OOEP: variants seen among roughly 807,000 people sequenced by gnomAD.
OOEP encodes the protein oocyte expressed protein, also known as oocyte-expressed protein homolog.
A neutral mutation model predicts 13.7 loss-of-function variants in OOEP; 16 were observed. That is an observed-to-expected ratio of 1.16 (90% CI 0.79 to 1.77). The LOEUF (loss-of-function observed/expected upper bound fraction) is 1.77. Among genes scored for constraint, OOEP ranks in the 40% most tolerant of loss-of-function variants. The probability of loss-of-function intolerance (pLI) is 0.00; values close to 1 mark genes in which losing one functional copy is unlikely to be tolerated. For missense variants in OOEP, 195 were observed against 193.1 expected (o/e 1.01, Z -0.06); for synonymous variants, 89 against 77.1 (o/e 1.15, Z -0.81).
chr6:73,379,093 C>T lies in OOEP; in HGVS notation c.26-9708G>A, dbSNP rs1246127025. Among the ~76,000 whole-genome samples, 7 of 151,806 alleles carry T rather than the reference C, an allele frequency of 4.6e-5. 1 individual carries two copies. The highest frequency in any genetic ancestry group is 2.4e-5 in the African/African-American group (1 of 41,370). On this transcript the variant is annotated intron_variant, in intron 2 of 3. Transcript: ENST00000370363. ...AGGCTGGAGTGCAGTGGCATGATCT[C>T]GGCTCACTGCAACCTCTACCTCCAG...
rs77482766 is a variant in OOEP at position 73,375,262 on chromosome 6, T to C, written c.26-5877A>G. On this transcript the variant is annotated intron_variant, in intron 2 of 3. Transcript: ENST00000370363. ...CCTCTTTACTAAGAGAACTAACCTTTTCCCAGCTGAGAGAACAGAAAGTAA... is the reference window on the plus strand; with the variant it reads ...CCTCTTTACTAAGAGAACTAACCTTCTCCCAGCTGAGAGAACAGAAAGTAA... 8.4e-3 allele frequency among the ~76,000 whole-genome samples: 1,281 copies of C among 152,306 alleles called. 23 individuals carry two copies. Among genetic ancestry groups the C allele is most frequent in the African/African-American group, 0.029 (1,214 of 41,570 alleles).
At chr6:73,395,143 G>C, upstream of OOEP, 1 of 1,612,752 alleles carries the variant, frequency 6.2e-7, no homozygotes, top group Admixed American at 1.7e-5. Flanking sequence ...CCACTTTGTT[G>C]GCGCGGTAAT....
At chr6:73,379,174 G>A (rs987116315) in intron 2 of OOEP, among the ~76,000 whole-genome samples, 4 of 151,600 alleles carry the variant, frequency 2.6e-5, no homozygotes, top group Non-Finnish European at 5.9e-5. Flanking sequence ...ACAGGCGTGC[G>A]CCACCACGTC....
At chr6:73,375,405 C>G (rs904354811) in intron 2 of OOEP, among the ~76,000 whole-genome samples, 2 of 151,900 alleles carry the variant, frequency 1.3e-5, no homozygotes, top group African/African-American at 4.8e-5. Flanking sequence ...TAAGGAGGCC[C>G]TGTTTCTACA....
At chr6:73,378,588 C>T (rs1158988563) in intron 2 of OOEP, among the ~76,000 whole-genome samples, 1 of 151,936 alleles carries the variant, frequency 6.6e-6, no homozygotes, top group Non-Finnish European at 1.5e-5. Context: ...ACCAGCAGGG[C>T]GCAGTGGCTC....
rs1769005919 is a variant in OOEP at position 73,369,302 on chromosome 6, C to CT, written c.273dup (p.Val92SerfsTer34). On this transcript the variant is annotated frameshift_variant, in exon 2 of 3. Transcript: ENST00000370359. LOFTEE classifies it high-confidence loss of function. ...GGCCGCCCGAAAACGGTGATTTCGA[C>CT]TAGGTTCCCTGAGTCCACTATGTCC... 1 of 1,613,860 alleles carries CT rather than the reference C, an allele frequency of 6.2e-7. No individual in the cohort carries two copies. Among genetic ancestry groups the CT allele is most frequent in the African/African-American group, 1.3e-5 (1 of 75,026 alleles).
rs115467560 is a variant in OOEP, at chr6:73,387,981, T to C, written c.25+6365A>G. On this transcript the variant is annotated intron_variant, in intron 2 of 3. Transcript: ENST00000370363. ...GCCTCCTGTGTTCCAGCGATTCTCA[T>C]GCCTCAGTGCCTCAGCCATCCGATT... Among the ~76,000 whole-genome samples, 590 of 152,282 alleles carry C rather than the reference T, an allele frequency of 3.9e-3. 4 individuals carry two copies. Among genetic ancestry groups the C allele is most frequent in the African/African-American group, 0.014 (565 of 41,552 alleles).
intron 2 of OOEP, among the ~76,000 whole-genome samples, chr6:73,389,082 G>C (rs1435221580): frequency 6.6e-6 from 1 of 151,016 alleles, no homozygotes; most frequent in African/African-American, 2.5e-5. Flanking sequence ...ATCCAGGGGA[G>C]CTACGTCGAG....
At chr6:73,383,513 T>C (rs1166026375) in intron 2 of OOEP, among the ~76,000 whole-genome samples, 7 of 152,214 alleles carry the variant, frequency 4.6e-5, no homozygotes, top group African/African-American at 1.7e-4. Context: ...CACATGCCTG[T>C]AGTCTCAGCT....
intron 1 of OOEP, chr6:73,394,527 G>A (rs1769415485): frequency 6.8e-6 from 4 of 591,382 alleles, no homozygotes; most frequent in South Asian, 4.1e-5. Flanking sequence ...AAGGCACTGA[G>A]ATGCCAGGAA....
chr6:73,383,166 T>C (rs576551680), intron 2 of OOEP, among the ~76,000 whole-genome samples: 9 of 152,256 alleles, frequency 5.9e-5, no homozygotes, highest in South Asian at 4.1e-4. Flanking sequence ...AAACCATCTA[T>C]ACAAGCAGTT....
At chr6:73,372,928 TA>T (rs1230273622), upstream of OOEP, among the ~76,000 whole-genome samples, 38 of 147,184 alleles carry the variant, frequency 2.6e-4, no homozygotes, top group African/African-American at 9.2e-4. Context: ...TTTTTTTTTT[TA>T]AAAACGAAAG....
chr6:73,392,326 G>T (rs1769358463), intron 2 of OOEP, among the ~76,000 whole-genome samples: 3 of 151,978 alleles, frequency 2.0e-5, no homozygotes. Flanking sequence ...TTTTTGAGAT[G>T]GAATTTCACT....
intron 2 of OOEP, among the ~76,000 whole-genome samples, chr6:73,381,841 G>A (rs1287411253): frequency 1.3e-5 from 2 of 152,190 alleles, no homozygotes; most frequent in East Asian, 1.9e-4. Context: ...TTAGCCGGGA[G>A]TGGTGGCACC....
At chr6:73,376,704 T>C (rs971127333) in intron 2 of OOEP, among the ~76,000 whole-genome samples, 3 of 152,100 alleles carry the variant, frequency 2.0e-5, no homozygotes, top group African/African-American at 7.2e-5. Flanking sequence ...CAGGCTGGAG[T>C]GCACTGGTGC....
intron 2 of OOEP, chr6:73,387,495 CAA>C (rs1201462690): frequency 6.6e-6 from 1 of 152,042 alleles, no homozygotes; most frequent in Non-Finnish European, 1.5e-5. Context: ...GCCTGAGTGA[CAA>C]GAGCAAAACT....
At chr6:73,369,948 A>C, upstream of OOEP, 1 of 633,286 alleles carries the variant, frequency 1.6e-6, no homozygotes. Context: ...GGTGCAAGCG[A>C]CGCCCCGGCA....
chr6:73,377,574 A>G (rs986499704), intron 2 of OOEP, among the ~76,000 whole-genome samples: 1 of 152,236 alleles, frequency 6.6e-6, no homozygotes, highest in Non-Finnish European at 1.5e-5. Flanking sequence ...TGGCCTCAAA[A>G]TTAACTCATG....
chr6:73,382,397 C>T (rs551765809), intron 2 of OOEP, among the ~76,000 whole-genome samples: 1 of 151,026 alleles, frequency 6.6e-6, no homozygotes, highest in South Asian at 2.1e-4. Flanking sequence ...TTTGTATTTT[C>T]AGTAGAGATG....
Sources: gnomAD v4.1 joint callset for allele counts (sites outside exome capture counted in the v4.1 genomes callset) on GRCh38, gnomAD v4.1.1 for gene constraint, MANE v1.5 for transcripts, NCBI Gene and HGNC (gene_info 2026-07-23, HGNC 2026-07-21) for gene names.